NXPE2: variants seen among roughly 807,000 people sequenced by gnomAD.
NXPE2 encodes the protein neurexophilin and PC-esterase domain family member 2.
NXPE2 carries 34 observed loss-of-function variants against 34.4 expected under a neutral mutation model. That is an observed-to-expected ratio of 0.99 (90% confidence interval 0.75 to 1.31). The LOEUF (loss-of-function observed/expected upper bound fraction) is 1.31. NXPE2 is among the 40% of genes most tolerant of loss of function. The pLI, the probability that NXPE2 is intolerant of heterozygous loss-of-function variation, is 0.00. For synonymous variants in NXPE2, 235 were observed against 231.3 expected (o/e 1.02, Z -0.15); for missense variants, 649 against 672.5 (o/e 0.97, Z 0.39).
the NXPE2 span, among the ~76,000 whole-genome samples, chr11:114,811,020 T>C: frequency 1.3e-5 from 2 of 151,698 alleles, no homozygotes; most frequent in Non-Finnish European, 2.9e-5. Flanking sequence ...AAATGATGAG[T>C]TCATGTCCTT....
the NXPE2 span, among the ~76,000 whole-genome samples, chr11:114,644,248 C>G: frequency 6.6e-6 from 1 of 152,128 alleles, no homozygotes; most frequent in Admixed American, 6.6e-5. Context: ...ACCTTTATTT[C>G]TTTCTCTTGC....
chr11:114,676,737 C>T (rs947158006), upstream of NXPE2, among the ~76,000 whole-genome samples: 3 of 151,988 alleles, frequency 2.0e-5, no homozygotes, highest in African/African-American at 7.2e-5. Flanking sequence ...CTGTATGATC[C>T]AGCAATCCCG....
the NXPE2 span, among the ~76,000 whole-genome samples, chr11:114,506,269 A>C: frequency 6.6e-6 from 1 of 152,218 alleles, no homozygotes; most frequent in Non-Finnish European, 1.5e-5. Flanking sequence ...TTAGACTCTC[A>C]TGCAATAACT....
At chr11:114,738,035 C>T in the NXPE2 span, among the ~76,000 whole-genome samples, 3 of 152,058 alleles carry the variant, frequency 2.0e-5, no homozygotes, top group Admixed American at 6.6e-5. Flanking sequence ...TGCGGTGAGC[C>T]GAGATCGTGC....
rs533605630 is a variant in NXPE2 at position 114,682,561 on chromosome 11, T to C, written c.132+2799T>C. 1.6e-4 allele frequency among the ~76,000 whole-genome samples: 24 copies of C among 152,332 alleles called. No homozygotes were observed. In the East Asian group the frequency reaches 2.5e-3, roughly 16 times the overall value. On this transcript the variant is annotated intron_variant, in intron 2 of 5. Coordinates refer to ENST00000389586, the MANE Select transcript of NXPE2 (RefSeq NM_182495.6). ...TTTTTAGACCCAGAAGTCAAAGCCC[T>C]GTAGCTCAATGTCACAAGGACTTTA...
At chr11:114,810,496 A>G in the NXPE2 span, among the ~76,000 whole-genome samples, 3 of 151,258 alleles carry the variant, frequency 2.0e-5, no homozygotes, top group Non-Finnish European at 4.4e-5. Flanking sequence ...AATTTACAAG[A>G]AAAAAACAAC....
the NXPE2 span, among the ~76,000 whole-genome samples, chr11:114,785,890 G>T: frequency 6.6e-6 from 1 of 152,122 alleles, no homozygotes; most frequent in Non-Finnish European, 1.5e-5. Context: ...GAATTTCTTG[G>T]CCTCGACTCT....
At chr11:114,677,731 A>G (rs934802676), upstream of NXPE2, among the ~76,000 whole-genome samples, 1 of 152,076 alleles carries the variant, frequency 6.6e-6, no homozygotes, top group Non-Finnish European at 1.5e-5. Flanking sequence ...TCTATGAAGT[A>G]TACACATGTA....
At chr11:114,635,179 C>T in the NXPE2 span, among the ~76,000 whole-genome samples, 7 of 150,250 alleles carry the variant, frequency 4.7e-5, no homozygotes, top group Non-Finnish European at 7.4e-5. Context: ...AGTTCCTTCA[C>T]GTCCCTTGTA....
At chr11:114,526,370 T>C in the NXPE2 span, 1 of 152,224 alleles carries the variant, frequency 6.6e-6, no homozygotes, top group Non-Finnish European at 1.5e-5. Flanking sequence ...TATAAAATCA[T>C]CCCATCTAGA....
chr11:114,727,774 A>AACAC, the NXPE2 span, among the ~76,000 whole-genome samples: 22,242 of 127,164 alleles, frequency 0.17, 1,936 homozygotes, highest in South Asian at 0.28. Flanking sequence ...ATGTGTACAC[A>AACAC]ACACACACAC....
the NXPE2 span, chr11:114,571,418 C>G: frequency 2.0e-5 from 32 of 1,612,408 alleles, no homozygotes; most frequent in Non-Finnish European, 2.6e-5. Context: ...TATCCAAATC[C>G]ACAGCAAGCT....
At chr11:114,803,456 CT>C in the NXPE2 span, among the ~76,000 whole-genome samples, 1 of 152,210 alleles carries the variant, frequency 6.6e-6, no homozygotes, top group Non-Finnish European at 1.5e-5. Context: ...GTTCTGGAGG[CT>C]GAGAAGCCTG....
chr11:114,649,589 T>C, the NXPE2 span, among the ~76,000 whole-genome samples: 1 of 152,090 alleles, frequency 6.6e-6, no homozygotes, highest in Non-Finnish European at 1.5e-5. Context: ...GTAAAAAACA[T>C]CTTGAGATGA....
chr11:114,792,798 C>A, the NXPE2 span, among the ~76,000 whole-genome samples: 2 of 152,194 alleles, frequency 1.3e-5, no homozygotes, highest in Non-Finnish European at 2.9e-5. Flanking sequence ...TTCTGCTAAA[C>A]ACTTTACGTA....
chr11:114,494,494 T>C, the NXPE2 span, among the ~76,000 whole-genome samples: 1 of 152,328 alleles, frequency 6.6e-6, no homozygotes, highest in East Asian at 1.9e-4. Flanking sequence ...GAGACTATGA[T>C]GCATTCTTCA....
the NXPE2 span, among the ~76,000 whole-genome samples, chr11:114,468,361 A>AAG: frequency 6.6e-6 from 1 of 152,176 alleles, no homozygotes; most frequent in Admixed American, 6.5e-5. Flanking sequence ...GTATGGCCAC[A>AAG]TCAAGTAGTA....
the NXPE2 span, among the ~76,000 whole-genome samples, chr11:114,638,252 A>G: frequency 2.7e-4 from 41 of 152,076 alleles, no homozygotes; most frequent in African/African-American, 8.7e-4. Context: ...CCAGTTGATC[A>G]CATCAGCTCC....
At chr11:114,755,683 T>G in the NXPE2 span, among the ~76,000 whole-genome samples, 1 of 116,492 alleles carries the variant, frequency 8.6e-6, no homozygotes, top group Non-Finnish European at 1.8e-5. Flanking sequence ...TATCTATCTG[T>G]CTGTCTATCT....
Sources: gnomAD v4.1 joint callset for allele counts (sites outside exome capture counted in the v4.1 genomes callset) on GRCh38, gnomAD v4.1.1 for gene constraint, MANE v1.5 for transcripts, NCBI Gene and HGNC (gene_info 2026-07-23, HGNC 2026-07-21) for gene names.